CNTN4: variants seen among roughly 807,000 people sequenced by gnomAD.
CNTN4 encodes contactin-4.
CNTN4 carries 77 observed loss-of-function variants against 122.5 expected under a neutral mutation model. The observed-to-expected ratio is 0.63, with a 90% CI of 0.52 to 0.76. The LOEUF is 0.76. Among genes scored for constraint, CNTN4 ranks in the 30% least tolerant of loss-of-function variants. The pLI is 0.00. For synonymous variants in CNTN4, 512 were observed against 447.0 expected (o/e 1.15, Z -1.83); for missense variants, 1,256 against 1,259.1 (o/e 1.00, Z 0.04).
intron 2 of CNTN4, among the ~76,000 whole-genome samples, chr3:2,284,493 AATCTTATTT>A (rs1160849081): frequency 2.3e-4 from 35 of 152,184 alleles, no homozygotes; most frequent in Non-Finnish European, 1.3e-4. Context: ...TTTTGAAATG[AATCTTATTT>A]ATACCAAACT....
At chr3:2,330,718 T>A (rs2043683471) in intron 2 of CNTN4, among the ~76,000 whole-genome samples, 1 of 152,190 alleles carries the variant, frequency 6.6e-6, no homozygotes, top group East Asian at 1.9e-4. Context: ...CAATCATTAC[T>A]CTATGCTGTA....
chr3:2,425,429 C>T (rs1372180846), intron 3 of CNTN4, among the ~76,000 whole-genome samples: 2 of 151,830 alleles, frequency 1.3e-5, no homozygotes, highest in Non-Finnish European at 2.9e-5. Flanking sequence ...CATTGGTCTT[C>T]ATCTCTGTTT....
intron 3 of CNTN4, among the ~76,000 whole-genome samples, chr3:2,552,272 G>A (rs535842633): frequency 1.3e-5 from 2 of 152,276 alleles, no homozygotes; most frequent in South Asian, 2.1e-4. Flanking sequence ...CGACAGAAAA[G>A]CGTTTTAGGA....
At chr3:2,639,342 G>A (rs1022362598) in intron 4 of CNTN4, among the ~76,000 whole-genome samples, 2 of 152,080 alleles carry the variant, frequency 1.3e-5, no homozygotes, top group African/African-American at 4.8e-5. Flanking sequence ...GCTTGCACCT[G>A]CCATCAGGCT....
chr3:2,588,735 A>T (rs1216577806), intron 4 of CNTN4, among the ~76,000 whole-genome samples: 1 of 149,426 alleles, frequency 6.7e-6, no homozygotes, highest in Non-Finnish European at 1.5e-5. Flanking sequence ...AGTGTTGTGC[A>T]TCTTGCGTTT....
chr3:2,905,034 C>T (rs867115231), intron 12 of CNTN4, among the ~76,000 whole-genome samples: 16 of 152,036 alleles, frequency 1.1e-4, no homozygotes, highest in Non-Finnish European at 1.8e-4. Context: ...TATGTGTATG[C>T]GTATGTGTAC....
chr3:2,460,713 G>A (rs1374422949), intron 3 of CNTN4, among the ~76,000 whole-genome samples: 2 of 152,120 alleles, frequency 1.3e-5, no homozygotes, highest in African/African-American at 4.8e-5. Context: ...TATCCAAAAG[G>A]TCTCAACGCA....
At chr3:2,510,715 G>T (rs1303159868) in intron 3 of CNTN4, among the ~76,000 whole-genome samples, 1 of 152,150 alleles carries the variant, frequency 6.6e-6, no homozygotes, top group African/African-American at 2.4e-5. Context: ...ATAAAGCGCA[G>T]AACACATGTT....
intron 8 of CNTN4, among the ~76,000 whole-genome samples, chr3:2,876,458 A>G (rs2093846005): frequency 1.3e-5 from 2 of 152,170 alleles, no homozygotes; most frequent in Non-Finnish European, 2.9e-5. Flanking sequence ...TTCATAAAAC[A>G]ATTTTTGCCT....
At chr3:2,152,297 G>A (rs1161278502) in intron 2 of CNTN4, among the ~76,000 whole-genome samples, 2 of 152,204 alleles carry the variant, frequency 1.3e-5, no homozygotes, top group Non-Finnish European at 2.9e-5. Context: ...GAGTGAGGCG[G>A]AGAAGAGGTT....
At chr3:2,260,082 A>G (rs889520451) in intron 2 of CNTN4, among the ~76,000 whole-genome samples, 13 of 152,180 alleles carry the variant, frequency 8.5e-5, no homozygotes, top group African/African-American at 2.7e-4. Context: ...ACAGTTTTGT[A>G]TAATTTAGAG....
intron 2 of CNTN4, among the ~76,000 whole-genome samples, chr3:2,187,308 C>G (rs554274560): frequency 3.3e-5 from 5 of 152,290 alleles, no homozygotes; most frequent in African/African-American, 1.2e-4. Context: ...AGTACCAGTA[C>G]CATGCTGTTT....
chr3:2,329,353 C>T (rs552869865), intron 2 of CNTN4, among the ~76,000 whole-genome samples: 8 of 152,228 alleles, frequency 5.3e-5, no homozygotes, highest in Admixed American at 4.6e-4. Context: ...AAATTGTGAG[C>T]CTCTCAGGCC....
chr3:2,953,860 C>A (rs565406266), intron 13 of CNTN4, among the ~76,000 whole-genome samples: 1 of 152,056 alleles, frequency 6.6e-6, no homozygotes, highest in Non-Finnish European at 1.5e-5. Flanking sequence ...ATTAATGCAC[C>A]GATTCATTCA....
chr3:2,305,480 T>C (rs1304851624), intron 2 of CNTN4, among the ~76,000 whole-genome samples: 1 of 152,216 alleles, frequency 6.6e-6, no homozygotes, highest in Non-Finnish European at 1.5e-5. Context: ...AGTAATGTAC[T>C]TTATTAGTTG....
intron 3 of CNTN4, among the ~76,000 whole-genome samples, chr3:2,398,387 G>A (rs13064000): frequency 0.17 from 25,718 of 151,972 alleles, 2,715 homozygotes; most frequent in Middle Eastern, 0.25. Context: ...TCATCAGAAT[G>A]GCAATTACTT....
At chr3:2,627,858 GATTA>G (rs1189249294) in intron 4 of CNTN4, among the ~76,000 whole-genome samples, 3 of 152,228 alleles carry the variant, frequency 2.0e-5, no homozygotes, top group East Asian at 3.9e-4. Flanking sequence ...TATGAATCAG[GATTA>G]ATTAACAGAT....
At chr3:2,402,785 T>C (rs1286822212) in intron 3 of CNTN4, among the ~76,000 whole-genome samples, 4 of 152,126 alleles carry the variant, frequency 2.6e-5, no homozygotes, top group Non-Finnish European at 4.4e-5. Flanking sequence ...ACCTTCTTTA[T>C]GGTACAATGT....
At chr3:2,257,431 T>G (rs1428951724) in intron 2 of CNTN4, among the ~76,000 whole-genome samples, 1 of 152,052 alleles carries the variant, frequency 6.6e-6, no homozygotes, top group Admixed American at 6.6e-5. Context: ...AAGCCAAGAC[T>G]GACAAATGGG....
Sources: gnomAD v4.1 joint callset for allele counts (sites outside exome capture counted in the v4.1 genomes callset) on GRCh38, gnomAD v4.1.1 for gene constraint, MANE v1.5 for transcripts, NCBI Gene and HGNC (gene_info 2026-07-23, HGNC 2026-07-21) for gene names.